Variants in CNTN5 observed in about 807,000 individuals in gnomAD.
The protein encoded by CNTN5 is contactin-5.
A neutral mutation model predicts 129.1 loss-of-function variants in CNTN5; 77 were observed. The observed-to-expected ratio is 0.60, with a 90% CI of 0.50 to 0.72. CNTN5 has a LOEUF of 0.72. Ranked by LOEUF, CNTN5 falls within the 30% of genes least tolerant of loss-of-function variation. The pLI is 0.00. For synonymous variants in CNTN5, 509 were observed against 465.6 expected, an observed-to-expected ratio of 1.09 and a Z score of -1.20; for missense variants, 1,478 against 1,328.8, an observed-to-expected ratio of 1.11 and a Z score of -1.75.
chr11:99,134,194 C>T (rs534187752), intron 1 of CNTN5, among the ~76,000 whole-genome samples: 13 of 151,986 alleles, frequency 8.6e-5, no homozygotes, highest in Non-Finnish European at 1.0e-4. Context: ...TAAGTGGGAG[C>T]TGAACAATGA....
intron 16 of CNTN5, among the ~76,000 whole-genome samples, chr11:100,244,355 C>T (rs910268724): frequency 9.9e-5 from 15 of 152,156 alleles, no homozygotes; most frequent in Non-Finnish European, 1.8e-4. Flanking sequence ...AAACTCATCC[C>T]TCCAGCCTCA....
intron 21 of CNTN5, among the ~76,000 whole-genome samples, chr11:100,338,810 T>A (rs1001117723): frequency 1.2e-4 from 18 of 151,374 alleles, no homozygotes; most frequent in Admixed American, 9.9e-4. Context: ...CTGTGACCCC[T>A]AAGCCCCAGA....
At chr11:99,673,195 G>GT (rs750090299) in intron 3 of CNTN5, among the ~76,000 whole-genome samples, 5 of 152,176 alleles carry the variant, frequency 3.3e-5, no homozygotes, top group Non-Finnish European at 7.3e-5. Flanking sequence ...AGATCTCAGA[G>GT]AGAGGATGGA....
rs548502950 is a variant in CNTN5, at chr11:99,103,063, G to A, written c.-210+81793G>A. Among the ~76,000 whole-genome samples the A allele has an allele frequency of 1.1e-4, 16 of 152,256 alleles. No homozygotes were observed. The South Asian group carries it at 2.9e-3, about 28-fold the overall frequency. ...CAAGAGAGAGGAGAACCAAGCGAAA[G>A]GGGTTTCTCCTTATAAAACCATCAG... On this transcript the variant is annotated intron_variant, in intron 1 of 24. Coordinates refer to ENST00000524871, the MANE Select transcript of CNTN5 (RefSeq NM_014361.4).
At chr11:99,828,513 C>T (rs1591268707) in intron 4 of CNTN5, among the ~76,000 whole-genome samples, 1 of 152,026 alleles carries the variant, frequency 6.6e-6, no homozygotes, top group Admixed American at 6.6e-5. Context: ...TCTTAAAGTC[C>T]CACCTCTTAA....
intron 2 of CNTN5, among the ~76,000 whole-genome samples, chr11:99,544,279 A>C (rs1319279931): frequency 6.6e-6 from 1 of 152,172 alleles, no homozygotes; most frequent in Non-Finnish European, 1.5e-5. Flanking sequence ...ATCACCTCCC[A>C]CTAGGCCCGA....
At chr11:99,651,591 TA>T (rs1952159221) in intron 3 of CNTN5, among the ~76,000 whole-genome samples, 1 of 152,026 alleles carries the variant, frequency 6.6e-6, no homozygotes, top group African/African-American at 2.4e-5. Context: ...TATTTTGTTT[TA>T]TTTTTATCAA....
rs540133386 is a variant in CNTN5 at position 99,697,486 on chromosome 11, T to A, written c.56-122058T>A. 2.2e-4 allele frequency among the ~76,000 whole-genome samples: 33 copies of A among 151,788 alleles called. 1 individual carries two copies. The South Asian group carries it at 6.8e-3, about 32-fold the overall frequency. ...TTAATTATTAAAACATCAGAAAATT[T>A]CAAGATACTCTACAGAAAATGTGAT... is the stretch of plus-strand genomic sequence containing the variant. On this transcript the variant is annotated intron_variant, in intron 3 of 24. Coordinates refer to ENST00000524871, the MANE Select transcript of CNTN5 (RefSeq NM_014361.4).
At chr11:99,911,132 C>T (rs1949648256) in intron 6 of CNTN5, among the ~76,000 whole-genome samples, 2 of 152,024 alleles carry the variant, frequency 1.3e-5, no homozygotes, top group Admixed American at 1.3e-4. Context: ...GTCTCTGACA[C>T]TTAGTCTAAT....
intron 13 of CNTN5, among the ~76,000 whole-genome samples, chr11:100,166,746 G>A (rs1947650109): frequency 6.6e-6 from 1 of 151,758 alleles, no homozygotes; most frequent in African/African-American, 2.4e-5. Context: ...TTTAATTTGT[G>A]TACACTTAAC....
chr11:99,610,398 A>C (rs1950559442), intron 3 of CNTN5, among the ~76,000 whole-genome samples: 1 of 152,138 alleles, frequency 6.6e-6, no homozygotes, highest in Admixed American at 6.6e-5. Context: ...CCAGGACTAG[A>C]CATAACATGA....
intron 2 of CNTN5, among the ~76,000 whole-genome samples, chr11:99,406,127 C>G (rs4754623): frequency 0.75 from 112,896 of 151,452 alleles, 42,924 homozygotes; most frequent in African/African-American, 0.9. Context: ...CCTGTTTCTA[C>G]GCATTGGAGA....
At chr11:99,061,708 C>A (rs183924251) in intron 1 of CNTN5, among the ~76,000 whole-genome samples, 1 of 151,988 alleles carries the variant, frequency 6.6e-6, no homozygotes, top group Non-Finnish European at 1.5e-5. Flanking sequence ...TGTGAACTTG[C>A]GGTCAGGTGC....
chr11:99,910,940 AAT>A (rs1366525271), intron 6 of CNTN5, among the ~76,000 whole-genome samples: 2 of 152,122 alleles, frequency 1.3e-5, no homozygotes, highest in African/African-American at 4.8e-5. Flanking sequence ...TTCAATATGC[AAT>A]CACTTTGCAA....
intron 3 of CNTN5, among the ~76,000 whole-genome samples, chr11:99,793,736 A>T (rs1219688960): frequency 2.0e-5 from 3 of 152,286 alleles, no homozygotes; most frequent in East Asian, 3.9e-4. Context: ...TGTTTGCATG[A>T]TTCTCTTAGT....
rs111451993 is a variant in CNTN5 at position 99,776,438 on chromosome 11, A to AT, written c.56-43097dup. Among the ~76,000 whole-genome samples, 287 of 151,398 alleles carry AT rather than the reference A, an allele frequency of 1.9e-3. 2 individuals carry two copies. Among genetic ancestry groups the AT allele is most frequent in the African/African-American group, 6.0e-3 (246 of 41,334 alleles). ...AAGCATTGCTTTCCTATCATTATCA[A>AT]TTTTTTTTTAATTTTCCTAGGCCAT... On this transcript the variant is annotated intron_variant, in intron 3 of 24. Coordinates refer to ENST00000524871, the MANE Select transcript of CNTN5 (RefSeq NM_014361.4).
intron 1 of CNTN5, among the ~76,000 whole-genome samples, chr11:99,302,331 T>A (rs1029422358): frequency 6.6e-6 from 1 of 151,560 alleles, no homozygotes; most frequent in Non-Finnish European, 1.5e-5. Flanking sequence ...TTAGCTAAAA[T>A]GACCAAGATA....
chr11:99,436,075 A>G (rs767218954), intron 2 of CNTN5, among the ~76,000 whole-genome samples: 1 of 152,144 alleles, frequency 6.6e-6, no homozygotes, highest in Non-Finnish European at 1.5e-5. Flanking sequence ...CTCATATTAC[A>G]ACGCTACCAA....
chr11:99,121,993 T>TA (rs1858362273), intron 1 of CNTN5, among the ~76,000 whole-genome samples: 2 of 149,622 alleles, frequency 1.3e-5, no homozygotes, highest in Non-Finnish European at 3.0e-5. Flanking sequence ...ATATATATAT[T>TA]TTTATTATAC....
Sources: gnomAD v4.1 joint callset for allele counts (sites outside exome capture counted in the v4.1 genomes callset) on GRCh38, gnomAD v4.1.1 for gene constraint, MANE v1.5 for transcripts, NCBI Gene and HGNC (gene_info 2026-07-23, HGNC 2026-07-21) for gene names.